The following APP variants were observed in gnomAD, a reference collection of about 807,000 sequenced individuals.
The protein encoded by APP is amyloid beta precursor protein.
APP carries 31 observed loss-of-function variants against 101.4 expected under a neutral mutation model. That is an observed-to-expected ratio of 0.31 (90% CI 0.23 to 0.41). APP has a LOEUF of 0.41. Ranked by LOEUF, APP falls within the 10% of genes least tolerant of loss-of-function variation. The pLI, the probability that APP is intolerant of heterozygous loss-of-function variation, is 1.00. For synonymous variants in APP, 366 were observed against 364.4 expected, an observed-to-expected ratio of 1.00 and a Z score of -0.05; for missense variants, 839 against 1,003.7, an observed-to-expected ratio of 0.84 and a Z score of 2.22.
intron 15 of APP, among the ~76,000 whole-genome samples, chr21:25,903,968 G>A (rs1399189897): frequency 2.1e-4 from 26 of 124,848 alleles, no homozygotes; most frequent in South Asian, 1.9e-3. Flanking sequence ...CGAGCCTGTG[G>A]TGGAAGTGTG....
chr21:26,091,154 G>A (rs949679386), intron 2 of APP, among the ~76,000 whole-genome samples: 12 of 152,160 alleles, frequency 7.9e-5, no homozygotes, highest in African/African-American at 2.4e-4. Context: ...AAATAACAAC[G>A]AATAGAGAAG....
At chr21:26,158,443 G>A (rs767916937) in intron 1 of APP, among the ~76,000 whole-genome samples, 8 of 152,026 alleles carry the variant, frequency 5.3e-5, no homozygotes, top group South Asian at 2.1e-4. Context: ...GAAGAGAGCC[G>A]GAAATGTAAT....
chr21:26,061,982 G>A (rs551267594), intron 3 of APP, among the ~76,000 whole-genome samples: 3 of 152,172 alleles, frequency 2.0e-5, no homozygotes, highest in East Asian at 1.9e-4. Flanking sequence ...TTGGGAGGCC[G>A]AGGTGGATCA....
intron 1 of APP, among the ~76,000 whole-genome samples, chr21:26,131,022 G>A (rs2146272718): frequency 6.6e-6 from 1 of 152,222 alleles, no homozygotes; most frequent in South Asian, 2.1e-4. Flanking sequence ...GTGAGGTCGG[G>A]AGTTCGAGAC....
At chr21:25,947,769 A>G (rs967318049) in intron 13 of APP, among the ~76,000 whole-genome samples, 2 of 152,102 alleles carry the variant, frequency 1.3e-5, no homozygotes, top group Admixed American at 6.5e-5. Flanking sequence ...TTGGGGGGCC[A>G]AGATGGGCAG....
At chr21:25,940,044 C>T (rs1184731061) in intron 13 of APP, among the ~76,000 whole-genome samples, 1 of 152,120 alleles carries the variant, frequency 6.6e-6, no homozygotes, top group African/African-American at 2.4e-5. Context: ...AGGCTGATGG[C>T]TTAAACCATT....
intron 14 of APP, among the ~76,000 whole-genome samples, chr21:25,911,086 A>G (rs909930743): frequency 2.0e-5 from 3 of 152,224 alleles, no homozygotes; most frequent in Non-Finnish European, 4.4e-5. Context: ...CAGTTAAAAA[A>G]CATTTCTAAA....
At chr21:25,989,191 A>C (rs184506346) in intron 8 of APP, among the ~76,000 whole-genome samples, 4 of 152,342 alleles carry the variant, frequency 2.6e-5, no homozygotes, top group Admixed American at 1.3e-4. Flanking sequence ...AAACCTGCTA[A>C]TATCTTCAGG....
At chr21:25,890,078 C>A (rs1330149286) in intron 17 of APP, among the ~76,000 whole-genome samples, 4 of 152,192 alleles carry the variant, frequency 2.6e-5, no homozygotes, top group Non-Finnish European at 5.9e-5. Context: ...TAGATACTAT[C>A]ACAAAAGGTG....
intron 12 of APP, among the ~76,000 whole-genome samples, chr21:25,955,352 T>C (rs2041268179): frequency 2.6e-5 from 4 of 152,214 alleles, no homozygotes. Flanking sequence ...ACAACTTTTG[T>C]TTTTCTCATT....
intron 13 of APP, among the ~76,000 whole-genome samples, chr21:25,927,189 C>G (rs945794380): frequency 1.3e-5 from 2 of 152,076 alleles, no homozygotes; most frequent in Admixed American, 6.6e-5. Flanking sequence ...GATGGTGGAG[C>G]AGGGCTGAAA....
At chr21:25,978,091 A>C (rs1247477361) in intron 9 of APP, among the ~76,000 whole-genome samples, 4 of 152,210 alleles carry the variant, frequency 2.6e-5, no homozygotes, top group Non-Finnish European at 5.9e-5. Context: ...CTGGACTTTA[A>C]GCTTTAAGCT....
At chr21:26,121,792 G>GT (rs1425631673) in intron 1 of APP, among the ~76,000 whole-genome samples, 5 of 152,198 alleles carry the variant, frequency 3.3e-5, no homozygotes, top group African/African-American at 1.2e-4. Context: ...TAATGCACAA[G>GT]TAAGTGCAAA....
intron 7 of APP, among the ~76,000 whole-genome samples, chr21:25,998,664 C>T (rs997207104): frequency 3.4e-4 from 52 of 152,124 alleles, no homozygotes; most frequent in African/African-American, 1.1e-3. Context: ...TGCAACACAG[C>T]GGAGAATTAG....
At chr21:26,057,532 A>G (rs1483164388) in intron 3 of APP, among the ~76,000 whole-genome samples, 2 of 152,136 alleles carry the variant, frequency 1.3e-5, no homozygotes, top group African/African-American at 4.8e-5. Context: ...AAGCTAATGA[A>G]CAAAATCTGG....
chr21:26,032,805 A>AATATATATAT lies in APP; in HGVS notation c.663-10773_663-10764dup, dbSNP rs10532653. 9.6e-5 allele frequency among the ~76,000 whole-genome samples: 12 copies of AATATATATAT among 124,472 alleles called. No homozygotes were observed. The East Asian group carries it at 2.4e-3, about 25-fold the overall frequency. 81.7% of individuals were successfully genotyped at this position (124,472 alleles called of 152,430 possible). Reference sequence around the variant, plus strand: ...GGCTTATTATTTTAGAAAAAAAAAAAATATATATATATATATAAAGAGCTA... The same window carrying AATATATATAT: ...GGCTTATTATTTTAGAAAAAAAAAAAATATATATATATATATATATATATATAAAGAGCTA... On this transcript the variant is annotated intron_variant, in intron 5 of 17. Coordinates refer to ENST00000346798, the MANE Select transcript of APP (RefSeq NM_000484.4).
intron 2 of APP, among the ~76,000 whole-genome samples, chr21:26,108,455 A>G (rs2062234136): frequency 6.6e-6 from 1 of 152,220 alleles, no homozygotes; most frequent in African/African-American, 2.4e-5. Flanking sequence ...CAGTGGCTAC[A>G]GTACTGGACA....
intron 13 of APP, among the ~76,000 whole-genome samples, chr21:25,916,082 C>T (rs910164904): frequency 1.3e-5 from 2 of 151,806 alleles, no homozygotes; most frequent in Non-Finnish European, 2.9e-5. Flanking sequence ...TTCAGAACAA[C>T]GAACCTCTGC....
Position 26,170,550 on chromosome 21 carries a change from G to C in APP, c.57+14C>G. ...CGTGCAGCCTCCCCCCGCCTTCCGA[G>C]GCGCGGCACCCACCTCCAGCGCCCG... On this transcript the variant is annotated intron_variant, in intron 1 of 17. Transcript: ENST00000346798. The C allele has an allele frequency of 2.0e-6, 3 of 1,537,392 alleles. No homozygotes were observed. The highest frequency in any genetic ancestry group is 2.6e-6 in the Non-Finnish European group (3 of 1,146,106).
Sources: gnomAD v4.1 joint callset for allele counts (sites outside exome capture counted in the v4.1 genomes callset) on GRCh38, gnomAD v4.1.1 for gene constraint, MANE v1.5 for transcripts, NCBI Gene and HGNC (gene_info 2026-07-23, HGNC 2026-07-21) for gene names.